The following MEGF11 variants were observed in gnomAD, a reference collection of about 807,000 sequenced individuals.
MEGF11 encodes multiple EGF like domains 11.
MEGF11 carries 126 observed loss-of-function variants against 146.6 expected under a neutral mutation model. The observed-to-expected ratio is 0.86, with a 90% confidence interval of 0.74 to 1.00. The LOEUF is 1.00. MEGF11 is among the 50% of genes least tolerant of loss of function. MEGF11 has a pLI of 0.00. For missense variants in MEGF11, 1,509 were observed against 1,521.2 expected (o/e 0.99, Z 0.13); for synonymous variants, 532 against 583.4 (o/e 0.91, Z 1.27).
intron 24 of MEGF11, 24 bp downstream of exon 24, chr15:65,906,061 A>C: frequency 4.4e-6 from 7 of 1,593,808 alleles, no homozygotes; most frequent in Non-Finnish European, 5.1e-6. Flanking sequence ...CTCTGTAATA[A>C]GACAGCAGGA....
At chr15:65,984,992 C>T (rs975348625) in intron 5 of MEGF11, among the ~76,000 whole-genome samples, 1 of 152,068 alleles carries the variant, frequency 6.6e-6, no homozygotes, top group Non-Finnish European at 1.5e-5. Context: ...TGGTCTCAAA[C>T]TCTTGACCTC....
chr15:66,147,942 C>T (rs1363085077), intron 1 of MEGF11, among the ~76,000 whole-genome samples: 1 of 152,188 alleles, frequency 6.6e-6, no homozygotes, highest in East Asian at 1.9e-4. Context: ...TGGACATTCA[C>T]ACCATGGACG....
chr15:65,919,661 C>T (rs749288689), intron 15 of MEGF11, among the ~76,000 whole-genome samples: 6 of 152,198 alleles, frequency 3.9e-5, no homozygotes, highest in African/African-American at 9.6e-5. Flanking sequence ...GACAGAGTCT[C>T]GCTACGTTGC....
chr15:65,970,655 G>A lies in MEGF11; in HGVS notation c.797C>T (p.Thr266Ile), dbSNP rs765597002. ...ATCCTGGCTGCAGTTCTGGCCAAAT[G>A]TCCCTGGTGGGCAGGGCTGGGCACA... ...AVCAQPCPPGTFGQNCSQDCP... is the reference protein window; with the variant it reads ...AVCAQPCPPGIFGQNCSQDCP... Residue 266 changes from threonine (T) to isoleucine (I), a missense_variant, in exon 8 of 26, where the codon ACA becomes ATA. Physicochemically the swap from Thr to Ile is moderately conservative, Grantham distance 89 (BLOSUM62 -1). Transcript: ENST00000395614. The A allele has an allele frequency of 6.2e-6, 10 of 1,612,966 alleles. No homozygotes were observed. In the African/African-American group the frequency reaches 9.3e-5, roughly 15 times the overall value.
rs116380055 is a variant in MEGF11, at chr15:66,166,974, C to T, written c.-8-38563G>A. On this transcript the variant is annotated intron_variant, in intron 1 of 25. Coordinates refer to ENST00000395614, the MANE Select transcript of MEGF11 (RefSeq NM_001385028.1). The stretch of plus-strand genomic sequence containing the variant: ...GATGTGCCTTTCAGGTTCCCTGCTC[C>T]TATCCTTCCTCCCCTGGACACACTC... Among the ~76,000 whole-genome samples the T allele has an allele frequency of 9.1e-4, 139 of 152,320 alleles. 1 individual carries two copies. Among genetic ancestry groups the T allele is most frequent in the African/African-American group, 3.2e-3 (133 of 41,574 alleles).
chr15:65,909,111 A>G lies in MEGF11; in HGVS notation c.2921T>C (p.Leu974Pro). 1 of 1,535,692 alleles carries G rather than the reference A, an allele frequency of 6.5e-7. No homozygotes were observed. The highest frequency in any genetic ancestry group is 1.2e-5 in the South Asian group (1 of 84,060). Residue 974 changes from leucine to proline, a missense_variant, in exon 23 of 26, where the codon CTG (leucine) becomes CCG (proline). Physicochemically the swap from Leu to Pro is moderately conservative, Grantham distance 98. Transcript: ENST00000395614. ...VLDSHFQISA[L>P]EARYPPEDFY... is the part of the protein sequence containing the mutation. ...GTCCTCGGGCGGGTACCTGGCCTCC[A>G]GGGCACTGATCTGGAAATGGGAGTC...
chr15:66,204,696 C>T (rs1487876905), intron 1 of MEGF11, among the ~76,000 whole-genome samples: 2 of 152,220 alleles, frequency 1.3e-5, no homozygotes, highest in Non-Finnish European at 2.9e-5. Flanking sequence ...ACCCAGGGGC[C>T]TCCATCAACA....
chr15:65,942,426 C>G (rs2080027832), intron 10 of MEGF11, among the ~76,000 whole-genome samples: 1 of 152,156 alleles, frequency 6.6e-6, no homozygotes, highest in Non-Finnish European at 1.5e-5. Context: ...GGTTTCAAGA[C>G]TTTAGGGTAT....
At chr15:66,109,203 C>T (rs974621523) in intron 4 of MEGF11, among the ~76,000 whole-genome samples, 6 of 152,146 alleles carry the variant, frequency 3.9e-5, no homozygotes, top group African/African-American at 9.7e-5. Context: ...TCACCCATCC[C>T]TGCACACCCC....
intron 8 of MEGF11, among the ~76,000 whole-genome samples, chr15:65,969,892 T>G (rs1333021317): frequency 6.6e-6 from 1 of 152,038 alleles, no homozygotes; most frequent in Non-Finnish European, 1.5e-5. Context: ...GGGTTTCAAA[T>G]ATCTTTTTCC....
At chr15:66,082,734 C>T (rs558034992) in intron 5 of MEGF11, among the ~76,000 whole-genome samples, 80 of 144,972 alleles carry the variant, frequency 5.5e-4, no homozygotes, top group African/African-American at 1.9e-3. Flanking sequence ...TTGCACACAG[C>T]GGGAGCACAA....
At chr15:66,038,224 G>A (rs947310132) in intron 5 of MEGF11, among the ~76,000 whole-genome samples, 11 of 152,114 alleles carry the variant, frequency 7.2e-5, no homozygotes, top group African/African-American at 1.9e-4. Context: ...ACGGGGTGAC[G>A]GAAAAAGCAG....
chr15:66,082,063 C>T (rs1266030551), intron 5 of MEGF11, among the ~76,000 whole-genome samples: 2 of 152,134 alleles, frequency 1.3e-5, no homozygotes, highest in African/African-American at 2.4e-5. Context: ...AACACTTTTC[C>T]GTGGAAGCCA....
chr15:65,946,237 C>T lies in MEGF11; in HGVS notation c.1287+11310G>A, dbSNP rs117296595. Among the ~76,000 whole-genome samples the T allele has an allele frequency of 1.7e-4, 26 of 152,288 alleles. No homozygotes were observed. The East Asian group carries it at 4.2e-3, about 25-fold the overall frequency. ...GCTTGCCCTGTCTCATGCTCACAAC[C>T]GTCCTACAAGAAACATCCACGTGTG... On this transcript the variant is annotated intron_variant, in intron 10 of 25. Transcript: ENST00000395614.
At position 66,161,998 on chromosome 15, in the gene MEGF11, A is replaced by G. The variant is rs754842754; in HGVS notation, c.-8-33587T>C. Among the ~76,000 whole-genome samples, 54 of 152,296 alleles carry G rather than the reference A, an allele frequency of 3.5e-4. 1 individual carries two copies. Among genetic ancestry groups the G allele is most frequent in the Admixed American group, 3.9e-4 (6 of 15,294 alleles). ...CCACAAAGCAATATTTACCTCTACT[A>G]CAGAGGAGCCAATCTAATATTTTCT... On this transcript the variant is annotated intron_variant, in intron 1 of 25. Coordinates refer to ENST00000395614, the MANE Select transcript of MEGF11 (RefSeq NM_001385028.1).
chr15:66,232,707 G>A (rs1214765961), intron 1 of MEGF11, among the ~76,000 whole-genome samples: 2 of 152,192 alleles, frequency 1.3e-5, no homozygotes, highest in South Asian at 2.1e-4. Flanking sequence ...AGGGTCATGC[G>A]CCAAATGAAA....
At chr15:66,143,473 T>C (rs1334314340) in intron 1 of MEGF11, among the ~76,000 whole-genome samples, 1 of 152,172 alleles carries the variant, frequency 6.6e-6, no homozygotes, top group East Asian at 1.9e-4. Context: ...CATGGGGTGC[T>C]TCTCGGGTGC....
intron 4 of MEGF11, 101 bp downstream of exon 4, chr15:66,118,985 C>A: frequency 1.3e-6 from 1 of 782,120 alleles, no homozygotes. Context: ...AGGACTGCTG[C>A]CTAGGGGCCG....
chr15:65,898,067 C>T lies in MEGF11; in HGVS notation c.3290G>A (p.Gly1097Asp). 3 of 1,613,692 alleles carry T rather than the reference C, an allele frequency of 1.9e-6. No individual in the cohort carries two copies. The highest frequency in any genetic ancestry group is 2.5e-6 in the Non-Finnish European group (3 of 1,179,786). ...VEPTVSVVQEGCGHNSSYIQN... is the reference protein window; with the variant it reads ...VEPTVSVVQEDCGHNSSYIQN... ...GATATAGCTGGAGTTATGACCGCAA[C>T]CTTCTTGGACCACACTGACTGTGGG... Residue 1097 changes from glycine (G) to aspartate (D), a missense_variant, in exon 26 of 26, where the codon GGT becomes GAT. Coordinates refer to ENST00000395614, the MANE Select transcript of MEGF11 (RefSeq NM_001385028.1).
Sources: allele counts gnomAD v4.1 joint callset (sites outside exome capture counted in the v4.1 genomes callset), GRCh38; gene constraint gnomAD v4.1.1; transcripts MANE v1.5; gene names NCBI Gene and HGNC (gene_info 2026-07-23, HGNC 2026-07-21).